The following SPECC1L variants were observed in gnomAD, a reference collection of about 807,000 sequenced individuals.
The protein encoded by SPECC1L is sperm antigen with calponin homology and coiled-coil domains 1 like.
A neutral mutation model predicts 116.8 loss-of-function variants in SPECC1L; 40 were observed. That is an observed-to-expected ratio of 0.34 (90% CI 0.27 to 0.45). The LOEUF (loss-of-function observed/expected upper bound fraction) is 0.45, where lower values mean the gene tolerates loss of function less well. SPECC1L is among the 20% of genes least tolerant of loss of function. The probability of loss-of-function intolerance (pLI) is 1.00; values close to 1 mark genes in which losing one functional copy is unlikely to be tolerated. For synonymous variants in SPECC1L, 504 were observed against 500.6 expected (o/e 1.01, Z -0.09); for missense variants, 1,110 against 1,373.6 (o/e 0.81, Z 3.03).
At chr22:24,358,643 T>C (rs2041580406) in intron 11 of SPECC1L, among the ~76,000 whole-genome samples, 2 of 152,200 alleles carry the variant, frequency 1.3e-5, no homozygotes, top group African/African-American at 4.8e-5. Flanking sequence ...ACTCTCCCTT[T>C]CTGGTATTTT....
intron 4 of SPECC1L, among the ~76,000 whole-genome samples, chr22:24,318,140 A>G (rs188232309): frequency 0.011 from 1,648 of 152,218 alleles, 29 homozygotes; most frequent in African/African-American, 0.036. Context: ...AGAGGCTGCA[A>G]TCTCGGCACT....
At chr22:24,320,064 A>G (rs535035018) in intron 4 of SPECC1L, among the ~76,000 whole-genome samples, 106 of 152,352 alleles carry the variant, frequency 7.0e-4, no homozygotes, top group African/African-American at 2.4e-3. Flanking sequence ...ATTTGAGGTC[A>G]GGAGTTTGAG....
intron 2 of SPECC1L, among the ~76,000 whole-genome samples, chr22:24,290,773 A>C (rs764077261): frequency 6.6e-6 from 1 of 152,250 alleles, no homozygotes. Context: ...TGTGTACATA[A>C]AATGCACCTT....
intron 2 of SPECC1L, among the ~76,000 whole-genome samples, chr22:24,278,101 T>TC (rs2048872392): frequency 6.6e-6 from 1 of 152,082 alleles, no homozygotes; most frequent in South Asian, 2.1e-4. Context: ...ACACCTGTAA[T>TC]CCCAACACTT....
chr22:24,352,042 A>G (rs764150302), intron 11 of SPECC1L, among the ~76,000 whole-genome samples: 2 of 151,360 alleles, frequency 1.3e-5, no homozygotes, highest in Admixed American at 6.6e-5. Context: ...TTTTAAATCT[A>G]TTATCCTTTA....
chr22:24,298,996 T>C (rs1399809587), intron 2 of SPECC1L, among the ~76,000 whole-genome samples: 1 of 152,200 alleles, frequency 6.6e-6, no homozygotes, highest in African/African-American at 2.4e-5. Context: ...ATAGCATTCA[T>C]GATAGGTAGG....
intron 14 of SPECC1L, among the ~76,000 whole-genome samples, chr22:24,405,084 C>T (rs552051549): frequency 6.6e-6 from 1 of 152,364 alleles, no homozygotes; most frequent in African/African-American, 2.4e-5. Flanking sequence ...CAAATCCACA[C>T]ACTGGTGGCC....
intron 14 of SPECC1L, among the ~76,000 whole-genome samples, chr22:24,387,800 C>A (rs1286033551): frequency 6.6e-6 from 1 of 152,102 alleles, no homozygotes; most frequent in African/African-American, 2.4e-5. Flanking sequence ...GTTAGAAGTC[C>A]AACATGGCTC....
At chr22:24,319,979 C>A (rs992270693) in intron 4 of SPECC1L, among the ~76,000 whole-genome samples, 2 of 152,192 alleles carry the variant, frequency 1.3e-5, no homozygotes, top group Non-Finnish European at 2.9e-5. Context: ...CCTGTAAGTG[C>A]GGTGGCTCAC....
chr22:24,331,562 CAT>C (rs1157761196), intron 8 of SPECC1L, among the ~76,000 whole-genome samples: 7 of 152,308 alleles, frequency 4.6e-5, no homozygotes, highest in African/African-American at 9.6e-5. Context: ...CTTTGAGACA[CAT>C]GTTTTTAAAA....
At chr22:24,343,450 G>GT (rs754785113) in intron 10 of SPECC1L, 9,016 of 364,994 alleles carry the variant, frequency 0.025, 4 homozygotes, top group East Asian at 0.038. Flanking sequence ...AAATGGTTGT[G>GT]TTTTTTTTTT....
intron 14 of SPECC1L, among the ~76,000 whole-genome samples, chr22:24,395,927 A>G (rs561154683): frequency 8.8e-4 from 134 of 152,312 alleles, no homozygotes; most frequent in Admixed American, 2.8e-3. Context: ...CTGGGATTAC[A>G]GGTGTGAGCC....
chr22:24,325,887 C>T (rs1387580216), intron 6 of SPECC1L, among the ~76,000 whole-genome samples: 2 of 152,052 alleles, frequency 1.3e-5, no homozygotes, highest in South Asian at 2.1e-4. Flanking sequence ...AAAAAGAAAA[C>T]AATTTTCAGC....
Position 24,338,289 on chromosome 22 carries a change from G to A in SPECC1L, c.2561-97G>A, listed in dbSNP as rs2041103734. ...GCCAAGACAGTGTCCAGCGGGGTTT[G>A]AGAGCATTGGGTAATCAGGCGAGTC... On this transcript the variant is annotated intron_variant, in intron 9 of 16. Transcript: ENST00000314328. 2.5e-6 allele frequency: 3 copies of A among 1,203,230 alleles called. No individual in the cohort carries two copies. The South Asian group carries it at 3.6e-5, about 15-fold the overall frequency. 74.5% of individuals were successfully genotyped at this position (1,203,230 alleles called of 1,614,324 possible).
chr22:24,325,042 G>A (rs1387424954), intron 6 of SPECC1L, among the ~76,000 whole-genome samples: 1 of 152,214 alleles, frequency 6.6e-6, no homozygotes, highest in African/African-American at 2.4e-5. Context: ...AGTGCCCAGA[G>A]TTGTTCAGAA....
chr22:24,295,038 TCTC>T (rs2049232427), intron 2 of SPECC1L, among the ~76,000 whole-genome samples: 2 of 151,878 alleles, frequency 1.3e-5, no homozygotes, highest in South Asian at 4.2e-4. Flanking sequence ...AATTATATGA[TCTC>T]CTTGTAGAAG....
chr22:24,317,352 G>A (rs1424114012), intron 4 of SPECC1L, among the ~76,000 whole-genome samples: 16 of 115,066 alleles, frequency 1.4e-4, no homozygotes, highest in East Asian at 1.2e-3. Flanking sequence ...GCGGCTGGCC[G>A]GGCAGAGGGG....
At chr22:24,371,442 A>G (rs1324260635) in intron 14 of SPECC1L, among the ~76,000 whole-genome samples, 1 of 152,222 alleles carries the variant, frequency 6.6e-6, no homozygotes, top group Non-Finnish European at 1.5e-5. Flanking sequence ...GGGAGGCCCT[A>G]TCTCTACAAA....
chr22:24,340,427 G>A (rs1245895634), intron 10 of SPECC1L, among the ~76,000 whole-genome samples: 3 of 152,104 alleles, frequency 2.0e-5, no homozygotes, highest in South Asian at 2.1e-4. Context: ...GATTACAGGC[G>A]TGAGCCACTG....
Sources: gnomAD v4.1 joint callset for allele counts (sites outside exome capture counted in the v4.1 genomes callset) on GRCh38, gnomAD v4.1.1 for gene constraint, MANE v1.5 for transcripts, NCBI Gene and HGNC (gene_info 2026-07-23, HGNC 2026-07-21) for gene names.